YAP1: variants seen among roughly 807,000 people sequenced by gnomAD.
YAP1 encodes the protein Yes1 associated transcriptional regulator, also known as transcriptional coactivator YAP1.
A neutral mutation model predicts 56.9 loss-of-function variants in YAP1; 5 were observed. The observed-to-expected ratio is 0.09, with a 90% CI of 0.05 to 0.18. YAP1 has a LOEUF of 0.18. Among genes scored for constraint, YAP1 ranks in the 10% least tolerant of loss-of-function variants. The pLI, the probability that YAP1 is intolerant of heterozygous loss-of-function variation, is 1.00. For missense variants in YAP1, 539 were observed against 651.8 expected, an observed-to-expected ratio of 0.83 and a Z score of 1.88; for synonymous variants, 265 against 248.1, an observed-to-expected ratio of 1.07 and a Z score of -0.64.
chr11:102,171,275 A>G (rs1946885486), intron 3 of YAP1, among the ~76,000 whole-genome samples: 1 of 152,208 alleles, frequency 6.6e-6, no homozygotes, highest in South Asian at 2.1e-4. Flanking sequence ...TATTGCTACA[A>G]TAATTTTATG....
intron 2 of YAP1, among the ~76,000 whole-genome samples, chr11:102,131,112 G>C (rs1944346863): frequency 6.6e-6 from 1 of 152,088 alleles, no homozygotes; most frequent in South Asian, 2.1e-4. Flanking sequence ...CTCAAATACT[G>C]GGTGGTTTTC....
chr11:102,143,556 T>G (rs1266666266), intron 2 of YAP1, among the ~76,000 whole-genome samples: 1 of 152,182 alleles, frequency 6.6e-6, no homozygotes, highest in East Asian at 1.9e-4. Context: ...CCCTCAAGTT[T>G]CCTTGATTAT....
chr11:102,110,989 AC>A lies in YAP1; in HGVS notation c.147del (p.Ala50ProfsTer24), dbSNP rs1555075353. 1.3e-6 allele frequency: 2 copies of A among 1,552,104 alleles called. No homozygotes were observed. Among genetic ancestry groups the A allele is most frequent in the African/African-American group, 1.4e-5 (1 of 70,382 alleles). On this transcript the variant is annotated frameshift_variant, in exon 1 of 9. Transcript: ENST00000282441. LOFTEE classifies it high-confidence loss of function. The part of the protein sequence containing the change: ...PAATQAAPQA[P>X]PAGHQIVHVR... ...CGGCGACCCAGGCGGCGCCGCAGGC[AC>A]CCCCCGCCGGGCATCAGATCGTGCA...
chr11:102,133,840 T>G (rs1944515885), intron 2 of YAP1, among the ~76,000 whole-genome samples: 1 of 152,126 alleles, frequency 6.6e-6, no homozygotes. Context: ...CGAGAGAAAT[T>G]TATTTCTTAT....
At chr11:102,155,783 C>T (rs1425382646) in intron 2 of YAP1, among the ~76,000 whole-genome samples, 3 of 152,174 alleles carry the variant, frequency 2.0e-5, no homozygotes, top group African/African-American at 7.2e-5. Flanking sequence ...ATTTGAATGT[C>T]ACCATAAATA....
At chr11:102,192,670 CTT>C (rs1591376597) in intron 4 of YAP1, among the ~76,000 whole-genome samples, 1 of 152,198 alleles carries the variant, frequency 6.6e-6, no homozygotes, top group East Asian at 1.9e-4. Flanking sequence ...TATTTCCACT[CTT>C]TAACTGAATA....
chr11:102,216,342 A>T (rs1487723249), intron 6 of YAP1, among the ~76,000 whole-genome samples: 2 of 151,748 alleles, frequency 1.3e-5, no homozygotes, highest in Non-Finnish European at 2.9e-5. Flanking sequence ...TTGCTACTTT[A>T]AAAAAAAATC....
chr11:102,143,243 G>A (rs1484350726), intron 2 of YAP1, among the ~76,000 whole-genome samples: 1 of 151,974 alleles, frequency 6.6e-6, no homozygotes, highest in Non-Finnish European at 1.5e-5. Flanking sequence ...TTATTCATTT[G>A]GTGATCAGTA....
At chr11:102,153,669 T>C (rs1945787100) in intron 2 of YAP1, among the ~76,000 whole-genome samples, 1 of 152,214 alleles carries the variant, frequency 6.6e-6, no homozygotes, top group African/African-American at 2.4e-5. Flanking sequence ...GAAAAGAATT[T>C]CAATGAAACT....
intron 4 of YAP1, among the ~76,000 whole-genome samples, chr11:102,187,986 C>G (rs1849114829): frequency 2.0e-5 from 3 of 152,152 alleles, no homozygotes; most frequent in Admixed American, 1.3e-4. Flanking sequence ...TAATCTGTTC[C>G]AGACCTTTTC....
intron 2 of YAP1, among the ~76,000 whole-genome samples, chr11:102,116,093 T>A (rs1565419531): frequency 6.6e-6 from 1 of 152,202 alleles, no homozygotes; most frequent in Non-Finnish European, 1.5e-5. Flanking sequence ...CTGAAATCAG[T>A]ATTCTAGATA....
At chr11:102,193,888 G>T (rs1232800730) in intron 4 of YAP1, among the ~76,000 whole-genome samples, 1 of 151,424 alleles carries the variant, frequency 6.6e-6, no homozygotes, top group Non-Finnish European at 1.5e-5. Context: ...GCCCAGGCTG[G>T]AGTGCAGTGG....
rs1308002865 is a variant in YAP1 at position 102,229,750 on chromosome 11, C to G, written c.1325C>G (p.Pro442Arg). 2 of 1,614,036 alleles carry G rather than the reference C, an allele frequency of 1.2e-6. No individual in the cohort carries two copies. The highest frequency in any genetic ancestry group is 2.7e-5 in the African/African-American group (2 of 74,928). The change falls in exon 9 of 9, where the codon CCA becomes CGA. Residue 442 changes from proline (P) to arginine (R), a missense_variant. By Grantham distance (103) the Pro-to-Arg change is moderately radical. Transcript: ENST00000282441. ...STLPSQQNRFPDYLEAIPGTN... is the reference protein window; with the variant it reads ...STLPSQQNRFRDYLEAIPGTN... ...CTGCCCTCACAGCAGAACCGTTTCC[C>G]AGACTACCTTGAAGCCATTCCTGGG...
chr11:102,187,913 C>T (rs542757079), intron 4 of YAP1, among the ~76,000 whole-genome samples: 2 of 152,250 alleles, frequency 1.3e-5, no homozygotes, highest in African/African-American at 2.4e-5. Context: ...TTGGGCCCAC[C>T]GTGTGTGTAT....
At chr11:102,219,579 C>A (rs545567034) in intron 6 of YAP1, among the ~76,000 whole-genome samples, 293 of 152,006 alleles carry the variant, frequency 1.9e-3, no homozygotes, top group African/African-American at 6.7e-3. Flanking sequence ...GTAAGATGAG[C>A]ATGGGAGGAG....
intron 4 of YAP1, among the ~76,000 whole-genome samples, chr11:102,205,594 T>A (rs914912927): frequency 6.6e-6 from 1 of 152,100 alleles, no homozygotes; most frequent in Admixed American, 6.6e-5. Flanking sequence ...CCGTTTTTTT[T>A]AAACACTTTC....
intron 2 of YAP1, among the ~76,000 whole-genome samples, chr11:102,136,686 G>C (rs1203783930): frequency 1.3e-5 from 2 of 152,116 alleles, no homozygotes; most frequent in African/African-American, 4.8e-5. Flanking sequence ...TCATATATAT[G>C]TCTTTAATCT....
At chr11:102,156,672 T>C (rs1945967864) in intron 2 of YAP1, among the ~76,000 whole-genome samples, 1 of 152,188 alleles carries the variant, frequency 6.6e-6, no homozygotes, top group Non-Finnish European at 1.5e-5. Context: ...ATTTTTGAAC[T>C]TTTGGGAGGA....
chr11:102,159,834 T>C (rs1946161183), intron 2 of YAP1, among the ~76,000 whole-genome samples: 1 of 152,130 alleles, frequency 6.6e-6, no homozygotes, highest in Non-Finnish European at 1.5e-5. Context: ...CAGAGGAGTC[T>C]TCCAAAAGGA....
Sources: allele counts gnomAD v4.1 joint callset (sites outside exome capture counted in the v4.1 genomes callset), GRCh38; gene constraint gnomAD v4.1.1; transcripts MANE v1.5; gene names NCBI Gene and HGNC (gene_info 2026-07-23, HGNC 2026-07-21).